Variants in BCL9 observed in about 807,000 individuals in gnomAD.
The protein encoded by BCL9 is B-cell CLL/lymphoma 9 protein.
BCL9 carries 25 observed loss-of-function variants against 88.5 expected under a neutral mutation model. That is an observed-to-expected ratio of 0.28 (90% CI 0.21 to 0.39). The LOEUF is 0.39. BCL9 is among the 10% of genes least tolerant of loss of function. BCL9 has a pLI of 1.00. For synonymous variants in BCL9, 711 were observed against 673.3 expected (o/e 1.06, Z -0.87); for missense variants, 1,817 against 1,877.8 (o/e 0.97, Z 0.60).
chr1:147,620,675 C>A lies in BCL9; in HGVS notation c.2520C>A (p.Gly840=), dbSNP rs368585937. The change falls in exon 8 of 10, where the codon GGC becomes GGA. Residue 840 remains glycine, a synonymous_variant. Coordinates refer to ENST00000234739, the MANE Select transcript of BCL9 (RefSeq NM_004326.4). ...SLNTAPPVQR[G]LGRKPLDISV... ...ACACAGCTCCTCCAGTTCAGCGCGG[C>A]CTGGGGCGGAAGCCCTTGGATATAT... 22 of 1,614,018 alleles carry A rather than the reference C, an allele frequency of 1.4e-5. No homozygotes were observed. In the African/African-American group the frequency reaches 2.3e-4, roughly 17 times the overall value.
chr1:147,590,988 T>C (rs1168513703), intron 1 of BCL9, among the ~76,000 whole-genome samples: 1 of 152,202 alleles, frequency 6.6e-6, no homozygotes, highest in Non-Finnish European at 1.5e-5. Flanking sequence ...CATGTTTTTT[T>C]CCCTTGCATA....
intron 9 of BCL9, among the ~76,000 whole-genome samples, chr1:147,622,785 T>C (rs587687048): frequency 6.6e-6 from 1 of 152,272 alleles, no homozygotes; most frequent in South Asian, 2.1e-4. Context: ...ACCTGGATGG[T>C]TTTGAGGGTT....
At chr1:147,545,741 A>G (rs1443650591) in intron 1 of BCL9, among the ~76,000 whole-genome samples, 1 of 152,220 alleles carries the variant, frequency 6.6e-6, no homozygotes, top group Non-Finnish European at 1.5e-5. Flanking sequence ...AGAGACATAA[A>G]TATAAGATGT....
intron 1 of BCL9, among the ~76,000 whole-genome samples, chr1:147,545,747 G>T (rs1654539709): frequency 6.6e-6 from 1 of 152,138 alleles, no homozygotes; most frequent in African/African-American, 2.4e-5. Flanking sequence ...ATAAATATAA[G>T]ATGTACAATG....
At chr1:147,588,510 C>G (rs587703864) in intron 1 of BCL9, among the ~76,000 whole-genome samples, 22 of 152,236 alleles carry the variant, frequency 1.4e-4, no homozygotes, top group Non-Finnish European at 3.2e-4. Flanking sequence ...TCAGCCAAGG[C>G]ATCAAGATGT....
chr1:147,544,575 C>A (rs587618971), intron 1 of BCL9, among the ~76,000 whole-genome samples: 3 of 152,172 alleles, frequency 2.0e-5, no homozygotes, highest in African/African-American at 4.8e-5. Context: ...ACTCTGATCT[C>A]GTTTTACTGA....
intron 1 of BCL9, among the ~76,000 whole-genome samples, chr1:147,544,826 A>G (rs1654482442): frequency 6.6e-6 from 1 of 152,174 alleles, no homozygotes; most frequent in Non-Finnish European, 1.5e-5. Context: ...TATCAAAGAT[A>G]GAATGTTTTT....
chr1:147,597,651 C>A (rs1269254039), intron 1 of BCL9, among the ~76,000 whole-genome samples: 5 of 152,112 alleles, frequency 3.3e-5, no homozygotes, highest in African/African-American at 1.2e-4. Context: ...GTAGAAAATT[C>A]AGAGGGCAAA....
chr1:147,575,299 C>T (rs1251438598), intron 1 of BCL9, among the ~76,000 whole-genome samples: 2 of 152,306 alleles, frequency 1.3e-5, no homozygotes, highest in East Asian at 3.9e-4. Context: ...TGTTGGTTTC[C>T]TGACACAGCT....
intron 1 of BCL9, among the ~76,000 whole-genome samples, chr1:147,578,285 C>A (rs1656198670): frequency 2.0e-5 from 3 of 152,188 alleles, no homozygotes; most frequent in Non-Finnish European, 4.4e-5. Flanking sequence ...ACAGGTTGAG[C>A]ATCCCTAATC....
At chr1:147,563,505 A>G (rs587599616) in intron 1 of BCL9, among the ~76,000 whole-genome samples, 1 of 152,342 alleles carries the variant, frequency 6.6e-6, no homozygotes, top group African/African-American at 2.4e-5. Flanking sequence ...GCTAGATTTA[A>G]CATCTGCTTT....
At chr1:147,574,661 C>T (rs1656029210) in intron 1 of BCL9, among the ~76,000 whole-genome samples, 1 of 152,150 alleles carries the variant, frequency 6.6e-6, no homozygotes, top group African/African-American at 2.4e-5. Flanking sequence ...GCCGAGTCCT[C>T]GATTAGATAG....
chr1:147,576,231 A>G (rs1348841073), intron 1 of BCL9, among the ~76,000 whole-genome samples: 1 of 152,188 alleles, frequency 6.6e-6, no homozygotes, highest in East Asian at 1.9e-4. Context: ...AAATTAGTAG[A>G]TGATACTTGC....
chr1:147,558,616 G>A (rs1243795815), intron 1 of BCL9, among the ~76,000 whole-genome samples: 3 of 152,138 alleles, frequency 2.0e-5, no homozygotes, highest in African/African-American at 7.2e-5. Flanking sequence ...CATGGAGAGT[G>A]AGCCTTACGC....
intron 1 of BCL9, among the ~76,000 whole-genome samples, chr1:147,556,916 A>AT (rs1347553551): frequency 1.3e-5 from 2 of 152,190 alleles, no homozygotes; most frequent in African/African-American, 4.8e-5. Flanking sequence ...TAGAGCAGTG[A>AT]TGGGTATACA....
At chr1:147,593,409 C>T (rs900188819) in intron 1 of BCL9, among the ~76,000 whole-genome samples, 10 of 152,166 alleles carry the variant, frequency 6.6e-5, no homozygotes, top group Admixed American at 3.3e-4. Flanking sequence ...CTGACTCCTA[C>T]GCATTCTTTA....
chr1:147,570,007 CTG>C (rs1403000044), intron 1 of BCL9, among the ~76,000 whole-genome samples: 2 of 152,190 alleles, frequency 1.3e-5, no homozygotes, highest in Non-Finnish European at 2.9e-5. Flanking sequence ...TATAAAGACT[CTG>C]TGGGACATCT....
intron 1 of BCL9, among the ~76,000 whole-genome samples, chr1:147,579,602 C>T (rs1656271662): frequency 6.6e-6 from 1 of 152,182 alleles, no homozygotes; most frequent in African/African-American, 2.4e-5. Context: ...CTGTATTAGT[C>T]ATGAATAGGG....
At chr1:147,570,208 A>T (rs1287309236) in intron 1 of BCL9, among the ~76,000 whole-genome samples, 2 of 152,200 alleles carry the variant, frequency 1.3e-5, no homozygotes, top group African/African-American at 4.8e-5. Context: ...AATCACCTAG[A>T]AGGAGCATGA....
Sources: allele counts gnomAD v4.1 joint callset (sites outside exome capture counted in the v4.1 genomes callset), GRCh38; gene constraint gnomAD v4.1.1; transcripts MANE v1.5; gene names NCBI Gene and HGNC (gene_info 2026-07-23, HGNC 2026-07-21).